Variants in LIMCH1 observed in about 807,000 individuals in gnomAD.
The protein encoded by LIMCH1 is LIM and calponin homology domains 1.
In LIMCH1, 113 loss-of-function variants were observed where a neutral mutation model predicts 176.5. The ratio of observed to expected loss-of-function variants is 0.64; its 90% CI spans 0.55 to 0.75. The LOEUF (loss-of-function observed/expected upper bound fraction) is 0.75, where lower values mean the gene tolerates loss of function less well. Ranked by LOEUF, LIMCH1 falls within the 30% of genes least tolerant of loss-of-function variation. The pLI is 0.00. For missense variants in LIMCH1, 1,674 were observed against 1,814.9 expected, an observed-to-expected ratio of 0.92 and a Z score of 1.41; for synonymous variants, 619 against 645.9, an observed-to-expected ratio of 0.96 and a Z score of 0.63.
At chr4:41,672,528 A>G (rs997712748) in intron 22 of LIMCH1, among the ~76,000 whole-genome samples, 1 of 152,244 alleles carries the variant, frequency 6.6e-6, no homozygotes, top group Non-Finnish European at 1.5e-5. Context: ...GAACTCTCCA[A>G]GAGACCCAAA....
chr4:41,526,555 C>T lies in LIMCH1; in HGVS notation c.237+2077C>T, dbSNP rs115819027. Among the ~76,000 whole-genome samples the T allele has an allele frequency of 8.3e-3, 1,267 of 152,204 alleles. 10 individuals carry two copies. Among genetic ancestry groups the T allele is most frequent in the Middle Eastern group, 0.034 (10 of 294 alleles). ...CCCCTGTTATGTTCATGTACTTCCA[C>T]GGTTCTCGCGTCATGCCTGTGCCTC... On this transcript the variant is annotated intron_variant, in intron 3 of 26. Coordinates refer to the LIMCH1 transcript ENST00000313860.
At chr4:41,407,223 G>A (rs80135195) in intron 1 of LIMCH1, among the ~76,000 whole-genome samples, 10,013 of 152,142 alleles carry the variant, frequency 0.066, 651 homozygotes, top group South Asian at 0.18. Context: ...CACACTGGGT[G>A]CTTCCCTGTC....
intron 1 of LIMCH1, among the ~76,000 whole-genome samples, chr4:41,450,798 CAAA>C (rs760652470): frequency 5.9e-5 from 3 of 50,648 alleles, no homozygotes; most frequent in Non-Finnish European, 8.2e-5. Flanking sequence ...CTCTCTCTCT[CAAA>C]AAAAAAAAAA....
chr4:41,464,361 T>C (rs2065804307), intron 1 of LIMCH1, among the ~76,000 whole-genome samples: 1 of 149,558 alleles, frequency 6.7e-6, no homozygotes, highest in Non-Finnish European at 1.5e-5. Flanking sequence ...TTTTTCCTTT[T>C]CTTTTTTTCT....
At chr4:41,674,454 C>A (rs61259614) in intron 22 of LIMCH1, among the ~76,000 whole-genome samples, 1 of 152,138 alleles carries the variant, frequency 6.6e-6, no homozygotes, top group Admixed American at 6.5e-5. Context: ...AGCCAACTTC[C>A]AACACCATTA....
In LIMCH1 at chr4:41,682,328, C is replaced by T. The variant is rs1716663253; in HGVS notation, c.3718-5C>T. On this transcript the variant is annotated splice_region_variant and splice_polypyrimidine_tract_variant and intron_variant, in intron 25 of 31. Transcript: ENST00000503057. The stretch of plus-strand genomic sequence containing the variant: ...ACTTAAGATTTTCATTGTTTTTCTC[C>T]TTAGAATAAGATAGACCTGGGAAAC... 1.2e-6 allele frequency: 2 copies of T among 1,605,084 alleles called. No individual in the cohort carries two copies. The highest frequency in any genetic ancestry group is 4.5e-5 in the East Asian group (2 of 44,664).
chr4:41,624,139 A>G (rs2092779469), intron 7 of LIMCH1, among the ~76,000 whole-genome samples: 1 of 152,142 alleles, frequency 6.6e-6, no homozygotes, highest in East Asian at 1.9e-4. Context: ...GGTGTTTCCC[A>G]TTGGAGAAGT....
intron 1 of LIMCH1, among the ~76,000 whole-genome samples, chr4:41,401,528 T>G (rs1193138585): frequency 2.6e-5 from 4 of 151,142 alleles, no homozygotes; most frequent in Admixed American, 6.6e-5. Context: ...CTTTTTTGGT[T>G]TCATATGAAC....
chr4:41,432,849 G>C (rs1470652093), intron 1 of LIMCH1, among the ~76,000 whole-genome samples: 2 of 152,196 alleles, frequency 1.3e-5, no homozygotes, highest in Non-Finnish European at 1.5e-5. Flanking sequence ...TTTTCAAGTA[G>C]GCAGTGGAGT....
intron 3 of LIMCH1, among the ~76,000 whole-genome samples, chr4:41,528,916 T>C (rs934923687): frequency 6.6e-6 from 1 of 152,204 alleles, no homozygotes; most frequent in African/African-American, 2.4e-5. Context: ...TAAAACAAAG[T>C]AGTTGAAAAT....
chr4:41,625,590 A>G (rs1298370222), intron 7 of LIMCH1, among the ~76,000 whole-genome samples: 6 of 152,200 alleles, frequency 3.9e-5, no homozygotes, highest in African/African-American at 1.4e-4. Flanking sequence ...AGTGTCTTCA[A>G]ATAGCCAATG....
intron 21 of LIMCH1, chr4:41,670,837 C>T: frequency 6.5e-7 from 1 of 1,532,950 alleles, no homozygotes; most frequent in East Asian, 2.5e-5. Context: ...TGCGAAAATC[C>T]ATGTTGGGGC....
At chr4:41,382,232 C>T (rs1242995042) in intron 1 of LIMCH1, among the ~76,000 whole-genome samples, 1 of 152,076 alleles carries the variant, frequency 6.6e-6, no homozygotes, top group Non-Finnish European at 1.5e-5. Context: ...TGGAACTGGA[C>T]AATTGGAAGT....
At position 41,605,893 on chromosome 4, in the gene LIMCH1, G is replaced by T; in HGVS notation, c.-102-1G>T. The T allele has an allele frequency of 6.2e-7, 1 of 1,603,444 alleles. No individual in the cohort carries two copies. The highest frequency in any genetic ancestry group is 1.1e-5 in the South Asian group (1 of 90,730). ...CTGCTCTTGTGCGTTTTGTTCCACA[G>T]GTATTAGTTACCATTTACTGGCTGG... On this transcript the variant is annotated splice_acceptor_variant, in intron 3 of 31. Transcript: ENST00000503057. LOFTEE classifies it low-confidence loss of function (5UTR_SPLICE).
chr4:41,475,754 C>T (rs537608011), intron 1 of LIMCH1, among the ~76,000 whole-genome samples: 3 of 152,054 alleles, frequency 2.0e-5, no homozygotes, highest in Non-Finnish European at 4.4e-5. Flanking sequence ...AGGACAAATA[C>T]CTAGTGCATG....
At chr4:41,465,580 G>A (rs79313824) in intron 1 of LIMCH1, among the ~76,000 whole-genome samples, 2,015 of 152,272 alleles carry the variant, frequency 0.013, 43 homozygotes, top group African/African-American at 0.047. Flanking sequence ...ACGGGTTACA[G>A]CCCACTTCTT....
chr4:41,695,198 A>G (rs904900967), intron 31 of LIMCH1, among the ~76,000 whole-genome samples: 9 of 151,558 alleles, frequency 5.9e-5, no homozygotes, highest in African/African-American at 1.9e-4. Flanking sequence ...TTTTCATTTT[A>G]TGTAATTAAA....
chr4:41,639,423 A>C (rs1394263348), intron 14 of LIMCH1, among the ~76,000 whole-genome samples: 1 of 152,202 alleles, frequency 6.6e-6, no homozygotes, highest in Non-Finnish European at 1.5e-5. Flanking sequence ...CAGAAGCCCA[A>C]GTTCCTCCCA....
rs78266509 is a variant in LIMCH1, at chr4:41,511,186, A to G, written c.168-13223A>G. Among the ~76,000 whole-genome samples, 794 of 152,260 alleles carry G rather than the reference A, an allele frequency of 5.2e-3. 10 individuals are homozygous for G. The highest frequency in any genetic ancestry group is 0.018 in the African/African-American group (754 of 41,536). On this transcript the variant is annotated intron_variant, in intron 2 of 26. Transcript: ENST00000313860. Reference sequence around the variant, plus strand: ...TCTATTCAACTCATCAGCCCTGTCCATTTGCACTGGTCACAGAGGTTGATC... The same window carrying G: ...TCTATTCAACTCATCAGCCCTGTCCGTTTGCACTGGTCACAGAGGTTGATC...
Sources: gnomAD v4.1 joint callset for allele counts (sites outside exome capture counted in the v4.1 genomes callset) on GRCh38, gnomAD v4.1.1 for gene constraint, MANE v1.5 for transcripts, NCBI Gene and HGNC (gene_info 2026-07-23, HGNC 2026-07-21) for gene names.